Variants in SGK1 observed in about 807,000 individuals in gnomAD.
SGK1 encodes the protein serum/glucocorticoid regulated kinase 1, also known as serine/threonine-protein kinase Sgk1.
Under a neutral mutation model 64.2 loss-of-function variants are expected in SGK1, and 26 were observed. The ratio of observed to expected loss-of-function variants is 0.40; its 90% CI spans 0.30 to 0.56. The LOEUF (loss-of-function observed/expected upper bound fraction) is 0.56, where lower values mean the gene tolerates loss of function less well. Among genes scored for constraint, SGK1 ranks in the 20% least tolerant of loss-of-function variants. The pLI, the probability that SGK1 is intolerant of heterozygous loss-of-function variation, is 0.38. For missense variants in SGK1, 519 were observed against 645.6 expected (o/e 0.80, Z 2.12); for synonymous variants, 265 against 239.7 (o/e 1.11, Z -0.98).
At chr6:134,192,689 C>T (rs899075944) in intron 3 of SGK1, among the ~76,000 whole-genome samples, 4 of 151,878 alleles carry the variant, frequency 2.6e-5, no homozygotes, top group Non-Finnish European at 5.9e-5. Context: ...CCCACCTCAG[C>T]CTCCCGAGTA....
In SGK1 at chr6:134,172,252, G is replaced by C; in HGVS notation, c.1012C>G (p.Leu338Val). ...TTGTGTTCAATGTTCTCCTTGCAGA[G>C]TCCGAAGTCAGTAAGGACAATGTGT... ...QGHIVLTDFG[L>V]CKENIEHNST... Residue 338 changes from leucine to valine, a missense_variant, in exon 10 of 14, where the codon CTC becomes GTC. Physicochemically the swap from Leu to Val is conservative, Grantham distance 32. Transcript: ENST00000367858. The C allele has an allele frequency of 6.2e-7, 1 of 1,613,968 alleles. No individual in the cohort carries two copies. Among genetic ancestry groups the C allele is most frequent in the South Asian group, 1.1e-5 (1 of 91,070 alleles).
intron 1 of SGK1, among the ~76,000 whole-genome samples, chr6:134,278,831 G>T (rs1169388669): frequency 2.6e-5 from 4 of 151,768 alleles, no homozygotes; most frequent in Non-Finnish European, 4.4e-5. Context: ...ATTAAAAAAG[G>T]CTCAGTTTTC....
intron 2 of SGK1, among the ~76,000 whole-genome samples, chr6:134,224,939 G>A (rs1756733914): frequency 7.0e-6 from 1 of 143,630 alleles, no homozygotes; most frequent in Non-Finnish European, 1.5e-5. Flanking sequence ...AGAATCGCTT[G>A]AACCTGGGAG....
chr6:134,313,771 G>GT (rs1020035466), intron 1 of SGK1, among the ~76,000 whole-genome samples: 1 of 152,218 alleles, frequency 6.6e-6, no homozygotes, highest in African/African-American at 2.4e-5. Context: ...GGCTATGGAA[G>GT]TTTTTTTCAC....
intron 1 of SGK1, among the ~76,000 whole-genome samples, chr6:134,285,275 G>A (rs1407667338): frequency 3.3e-5 from 5 of 152,088 alleles, no homozygotes; most frequent in African/African-American, 4.8e-5. Context: ...TCAGGAGTTC[G>A]AGACCAGCCT....
intron 1 of SGK1, chr6:134,297,996 G>A: frequency 1.2e-6 from 1 of 830,962 alleles, no homozygotes; most frequent in Non-Finnish European, 2.1e-6. Context: ...CAGCATCACA[G>A]ACGTATCCGA....
chr6:134,194,188 T>A (rs1775562072), intron 3 of SGK1, among the ~76,000 whole-genome samples: 1 of 151,820 alleles, frequency 6.6e-6, no homozygotes, highest in Non-Finnish European at 1.5e-5. Flanking sequence ...TTTTTTCTCA[T>A]CAATGTTATA....
chr6:134,182,077 C>T (rs1389222109), intron 3 of SGK1, among the ~76,000 whole-genome samples: 2 of 151,866 alleles, frequency 1.3e-5, no homozygotes, highest in African/African-American at 4.8e-5. Flanking sequence ...AGGCTGATCT[C>T]AAACTCCTGA....
In SGK1 at chr6:134,317,444, A is replaced by G. The variant is rs1373102660; in HGVS notation, c.17T>C (p.Met6Thr). The part of the protein sequence containing the change: MVNKD[M>T]NGFPVKKCSA... Reference sequence around the variant, plus strand: ...GCATTTCTTGACTGGGAATCCATTCATGTCTTTGTTTACCATTTTCCACCG... The same window carrying G: ...GCATTTCTTGACTGGGAATCCATTCGTGTCTTTGTTTACCATTTTCCACCG... Residue 6 changes from methionine to threonine, a missense_variant, in exon 1 of 14, where the codon ATG becomes ACG. Physicochemically the swap from Met to Thr is moderately conservative, Grantham distance 81. This residue lies in a region of SGK1 where 241 missense variants were observed against 236.9 expected (regional missense o/e 1.02). Coordinates refer to ENST00000367858, the MANE Select transcript of SGK1 (RefSeq NM_001143676.3). 6.2e-7 allele frequency: 1 copy of G among 1,610,108 alleles called. No homozygotes were observed. Among genetic ancestry groups the G allele is most frequent in the Non-Finnish European group, 8.5e-7 (1 of 1,176,382 alleles).
Position 134,173,372 on chromosome 6 carries a change from T to A in SGK1, c.619-15A>T, listed in dbSNP as rs760656820. On this transcript the variant is annotated splice_polypyrimidine_tract_variant and intron_variant, in intron 6 of 13. Transcript: ENST00000367858. Reference sequence around the variant, plus strand: ...GCTAGAAGAACCTGAAATTTCAATTTAAAAAAATCATTTTTCTATCCTCAT... The same window carrying A: ...GCTAGAAGAACCTGAAATTTCAATTAAAAAAAATCATTTTTCTATCCTCAT... The A allele has an allele frequency of 4.4e-6, 7 of 1,606,478 alleles. No homozygotes were observed. The East Asian group carries it at 1.1e-4, about 26-fold the overall frequency.
chr6:134,297,020 C>T (rs1405826616), intron 1 of SGK1: 2 of 438,172 alleles, frequency 4.6e-6, no homozygotes, highest in East Asian at 1.1e-4. Flanking sequence ...CATCAGAGGA[C>T]TTGGACACCA....
At chr6:134,271,311 CAAA>C (rs528359922) in intron 1 of SGK1, among the ~76,000 whole-genome samples, 1 of 96,852 alleles carries the variant, frequency 1.0e-5, no homozygotes. Flanking sequence ...GAAACTGTCT[CAAA>C]AAAAAAAAAA....
At chr6:134,194,325 C>A (rs1775563700) in intron 3 of SGK1, among the ~76,000 whole-genome samples, 1 of 152,072 alleles carries the variant, frequency 6.6e-6, no homozygotes, top group South Asian at 2.1e-4. Flanking sequence ...AGACGATGCC[C>A]AAATAAGGCA....
At chr6:134,289,536 G>A (rs2114778866) in intron 1 of SGK1, among the ~76,000 whole-genome samples, 1 of 152,056 alleles carries the variant, frequency 6.6e-6, no homozygotes, top group East Asian at 1.9e-4. Flanking sequence ...TTAACTCAAT[G>A]TACCCCCAAC....
chr6:134,184,082 C>CCTTTGCAGGCCAAGCTAGTGTCTG (rs1298697822), intron 3 of SGK1, among the ~76,000 whole-genome samples: 1 of 151,996 alleles, frequency 6.6e-6, no homozygotes, highest in African/African-American at 2.4e-5. Flanking sequence ...CTCTCTGTTC[C>CCTTTGCAGGCCAAGCTAGTGTCTG]CTTTGCAGGC....
intron 1 of SGK1, among the ~76,000 whole-genome samples, chr6:134,315,721 A>T (rs1777672784): frequency 6.6e-6 from 1 of 152,178 alleles, no homozygotes; most frequent in African/African-American, 2.4e-5. Flanking sequence ...TGGCATTTTT[A>T]AAATTAGCAA....
intron 3 of SGK1, among the ~76,000 whole-genome samples, chr6:134,198,724 C>CTTTTTTTTTTTT (rs1459010325): frequency 7.1e-4 from 47 of 65,742 alleles, no homozygotes; most frequent in South Asian, 1.5e-3. Context: ...TTCTCTTTTT[C>CTTTTTTTTTTTT]TATTTTTTTT....
At chr6:134,262,957 A>G (rs924510572) in intron 1 of SGK1, among the ~76,000 whole-genome samples, 2 of 151,916 alleles carry the variant, frequency 1.3e-5, no homozygotes, top group Non-Finnish European at 2.9e-5. Context: ...GGTATAAGTC[A>G]CTGTGCCCAG....
Position 134,207,531 on chromosome 6 carries a change from T to C in SGK1, c.286-100A>G. On this transcript the variant is annotated intron_variant, in intron 2 of 13. Coordinates refer to ENST00000367858, the MANE Select transcript of SGK1 (RefSeq NM_001143676.3). Reference sequence around the variant, plus strand: ...AGAGAAAGGATTCCAAGGCTGAAACTAGTACATATGGCATGTCTGTGCTCT... The same window carrying C: ...AGAGAAAGGATTCCAAGGCTGAAACCAGTACATATGGCATGTCTGTGCTCT... The C allele has an allele frequency of 5.0e-6, 4 of 796,722 alleles. 1 individual carries two copies. In the Admixed American group the frequency reaches 8.4e-5, roughly 17 times the overall value. 49.4% of individuals were successfully genotyped at this position (796,722 alleles called of 1,614,324 possible).
Sources: allele counts gnomAD v4.1 joint callset (sites outside exome capture counted in the v4.1 genomes callset), GRCh38; gene constraint gnomAD v4.1.1; regional missense constraint gnomAD v4.1.1; transcripts MANE v1.5; gene names NCBI Gene and HGNC (gene_info 2026-07-23, HGNC 2026-07-21).